HLCS: variants seen among roughly 807,000 people sequenced by gnomAD.
HLCS encodes holocarboxylase synthetase, also known as biotin--protein ligase.
A neutral mutation model predicts 75.0 loss-of-function variants in HLCS; 53 were observed. The observed-to-expected ratio is 0.71, with a 90% CI of 0.57 to 0.89. HLCS has a LOEUF of 0.89. Among genes scored for constraint, HLCS ranks in the 40% least tolerant of loss-of-function variants. The probability of loss-of-function intolerance (pLI) is 0.00; values close to 1 mark genes in which losing one functional copy is unlikely to be tolerated. For missense variants in HLCS, 966 were observed against 1,074.0 expected (o/e 0.90, Z 1.41); for synonymous variants, 431 against 428.6 (o/e 1.01, Z -0.07).
Position 36,966,647 on chromosome 21 carries a change from C to A in HLCS, c.-9G>T, listed in dbSNP as rs953319376. 3.0e-5 allele frequency: 29 copies of A among 979,104 alleles called. No homozygotes were observed. The highest frequency in any genetic ancestry group is 3.3e-5 in the Non-Finnish European group (27 of 826,680). 60.7% of individuals were successfully genotyped at this position (979,104 alleles called of 1,614,324 possible). A position where few individuals can be genotyped will look rare whatever the true frequency, so the allele number is the denominator to read the frequency against. ...CACAGCGTGATGAGCATGGCCGCGC[C>A]GCCGGCAGGGCGAGCCCGCCTTGCC... On this transcript the variant is annotated 5_prime_UTR_variant, in exon 1 of 11. Coordinates refer to ENST00000674895, the MANE Select transcript of HLCS (RefSeq NM_001352514.2).
At position 36,840,297 on chromosome 21, in the gene HLCS, A is replaced by T. The variant is rs182312751; in HGVS notation, c.1892+56563T>A. ...AAAAGGTAGGTGAATATTTAAAAAA[A>T]TTTTTTTAAAATAATAATTCAGTCT... On this transcript the variant is annotated intron_variant, in intron 6 of 10. Transcript: ENST00000674895. Among the ~76,000 whole-genome samples the T allele has an allele frequency of 4.3e-3, 652 of 152,332 alleles. 2 individuals carry two copies. The highest frequency in any genetic ancestry group is 0.013 in the African/African-American group (560 of 41,576).
chr21:36,860,566 G>C (rs2063351381), intron 6 of HLCS, among the ~76,000 whole-genome samples: 2 of 152,164 alleles, frequency 1.3e-5, no homozygotes, highest in East Asian at 3.8e-4. Flanking sequence ...ATTAATTTTT[G>C]TGTAAGTCAA....
At chr21:36,821,826 A>T (rs2061850780) in intron 6 of HLCS, among the ~76,000 whole-genome samples, 1 of 152,234 alleles carries the variant, frequency 6.6e-6, no homozygotes, top group Admixed American at 6.5e-5. Context: ...CTGTAAGAGG[A>T]ATTTTAAACG....
At chr21:36,930,212 C>T (rs1220068989) in intron 5 of HLCS, 39 bp downstream of exon 5, 7 of 1,586,604 alleles carry the variant, frequency 4.4e-6, no homozygotes, top group Non-Finnish European at 4.3e-6. Context: ...AAGAGGGCCA[C>T]GTCACAGCGC....
intron 6 of HLCS, among the ~76,000 whole-genome samples, chr21:36,837,789 G>A (rs2062465061): frequency 6.6e-6 from 1 of 152,164 alleles, no homozygotes; most frequent in Admixed American, 6.5e-5. Flanking sequence ...AGCCACTCCT[G>A]CCTGGGTGGG....
At chr21:36,886,893 G>A (rs967705558) in intron 6 of HLCS, among the ~76,000 whole-genome samples, 13 of 152,054 alleles carry the variant, frequency 8.5e-5, no homozygotes, top group Admixed American at 6.5e-4. Flanking sequence ...TTGAAAGGCC[G>A]AGGCAGGAGG....
At position 36,896,623 on chromosome 21, in the gene HLCS, A is replaced by T. The variant is rs1015769770; in HGVS notation, c.1892+237T>A. The T allele has an allele frequency of 3.7e-5, 21 of 561,950 alleles. No homozygotes were observed. The African/African-American group carries it at 3.9e-4, about 11-fold the overall frequency. The allele number at this position is 561,950 out of a possible 1,614,324, so 34.8% of individuals were successfully genotyped here. A position where few individuals can be genotyped will look rare whatever the true frequency, so the allele number is the denominator to read the frequency against. ...ACATTCTGAGGGCCTGATTCAAAGA[A>T]GCAAGACACAAAGCACAACCACCTT... is the stretch of plus-strand genomic sequence containing the variant. On this transcript the variant is annotated intron_variant, in intron 6 of 10. Coordinates refer to ENST00000674895, the MANE Select transcript of HLCS (RefSeq NM_001352514.2).
chr21:36,940,690 C>G (rs946364752), intron 2 of HLCS, among the ~76,000 whole-genome samples: 1 of 152,168 alleles, frequency 6.6e-6, no homozygotes, highest in African/African-American at 2.4e-5. Context: ...CACTTCTGCC[C>G]CCAGGGTCCT....
At chr21:36,871,012 C>T (rs115063063) in intron 6 of HLCS, among the ~76,000 whole-genome samples, 289 of 152,188 alleles carry the variant, frequency 1.9e-3, no homozygotes, top group Middle Eastern at 6.8e-3. Flanking sequence ...ATAATGCAAA[C>T]GCTGCTAATT....
chr21:36,804,792 C>G (rs115391620), intron 6 of HLCS, among the ~76,000 whole-genome samples: 1 of 152,060 alleles, frequency 6.6e-6, no homozygotes, highest in African/African-American at 2.4e-5. Context: ...AAACATCTAC[C>G]AACAACATCA....
intron 6 of HLCS, among the ~76,000 whole-genome samples, chr21:36,821,046 G>A (rs1009249791): frequency 2.6e-5 from 4 of 152,312 alleles, no homozygotes; most frequent in South Asian, 4.1e-4. Flanking sequence ...CAATGAGTGC[G>A]TGGGAGGCCT....
At chr21:36,809,660 A>C (rs1355057215) in intron 6 of HLCS, among the ~76,000 whole-genome samples, 3 of 151,950 alleles carry the variant, frequency 2.0e-5, no homozygotes, top group Non-Finnish European at 2.9e-5. Flanking sequence ...TCTTCTTTTT[A>C]TCATTCTATT....
At chr21:36,891,415 A>T (rs1021794451) in intron 6 of HLCS, among the ~76,000 whole-genome samples, 9 of 152,158 alleles carry the variant, frequency 5.9e-5, no homozygotes, top group Non-Finnish European at 1.3e-4. Flanking sequence ...ATCTTAATTG[A>T]CCTAGGAACC....
At chr21:36,928,094 A>C (rs1004133886) in intron 5 of HLCS, among the ~76,000 whole-genome samples, 1 of 152,184 alleles carries the variant, frequency 6.6e-6, no homozygotes, top group Non-Finnish European at 1.5e-5. Context: ...CCCATAGCAC[A>C]GTGACTAGAT....
intron 6 of HLCS, among the ~76,000 whole-genome samples, chr21:36,790,137 G>A (rs1015972773): frequency 6.6e-6 from 1 of 152,176 alleles, no homozygotes; most frequent in African/African-American, 2.4e-5. Context: ...CTGGCGCAGT[G>A]GCTCATGCCT....
At chr21:36,921,061 C>T (rs1390993334) in intron 5 of HLCS, among the ~76,000 whole-genome samples, 1 of 152,194 alleles carries the variant, frequency 6.6e-6, no homozygotes, top group Non-Finnish European at 1.5e-5. Flanking sequence ...AACTACTCTA[C>T]GTAGGATTCA....
chr21:36,870,645 T>C (rs1317620865), intron 6 of HLCS, among the ~76,000 whole-genome samples: 1 of 152,188 alleles, frequency 6.6e-6, no homozygotes, highest in Admixed American at 6.5e-5. Context: ...AAGTTTCCCT[T>C]AAAGTAACTG....
At chr21:36,855,859 T>C (rs906440947) in intron 6 of HLCS, among the ~76,000 whole-genome samples, 4 of 152,152 alleles carry the variant, frequency 2.6e-5, no homozygotes, top group Admixed American at 2.0e-4. Flanking sequence ...ATTACAGGTG[T>C]AAGCTCACAC....
At chr21:36,874,867 G>A (rs1231507108) in intron 6 of HLCS, among the ~76,000 whole-genome samples, 1 of 152,078 alleles carries the variant, frequency 6.6e-6, no homozygotes, top group African/African-American at 2.4e-5. Flanking sequence ...CTGCACTCTC[G>A]GGGGTCCAGG....
Sources: gnomAD v4.1 joint callset for allele counts (sites outside exome capture counted in the v4.1 genomes callset) on GRCh38, gnomAD v4.1.1 for gene constraint, MANE v1.5 for transcripts, NCBI Gene and HGNC (gene_info 2026-07-23, HGNC 2026-07-21) for gene names.